The following ANKRD36B variants were observed in gnomAD, a reference collection of about 807,000 sequenced individuals.
ANKRD36B encodes ankyrin repeat domain 36B, also known as ankyrin repeat domain-containing protein 36B.
In ANKRD36B, 37 loss-of-function variants were observed where a neutral mutation model predicts 135.7. The observed-to-expected ratio is 0.27, with a 90% CI of 0.21 to 0.36. The LOEUF is 0.36. Among genes scored for constraint, ANKRD36B ranks in the 10% least tolerant of loss-of-function variants. The pLI, the probability that ANKRD36B is intolerant of heterozygous loss-of-function variation, is 1.00. For missense variants in ANKRD36B, 549 were observed against 1,037.1 expected (o/e 0.53, Z 6.46); for synonymous variants, 179 against 348.1 (o/e 0.51, Z 5.41).
Position 97,558,866 on chromosome 2 carries a change from T to G in ANKRD36B, c.900A>C (p.Thr300=). Residue 300 remains threonine (T), a synonymous_variant, in exon 10 of 44, where the codon ACA becomes ACC. Transcript: ENST00000359901. ...TTGAAACAGAATCTTTCTCGTCACTTGTAGCCTGAATGGGATTTGAAACAA... is the reference window on the plus strand; with the variant it reads ...TTGAAACAGAATCTTTCTCGTCACTGGTAGCCTGAATGGGATTTGAAACAA... ...SSQKQPAEKA[T]SDEKDSVSNI... is the part of the protein sequence containing the mutation. 6.2e-7 allele frequency: 1 copy of G among 1,611,290 alleles called. No individual in the cohort carries two copies. The highest frequency in any genetic ancestry group is 1.1e-5 in the South Asian group (1 of 91,036).
At chr2:97,552,837 T>C (rs1212297102) in intron 16 of ANKRD36B, among the ~76,000 whole-genome samples, 1 of 151,916 alleles carries the variant, frequency 6.6e-6, no homozygotes, top group Non-Finnish European at 1.5e-5. Context: ...TTCCTCTCTT[T>C]CTCCTTCCAC....
chr2:97,587,264 G>A (rs112235742), intron 1 of ANKRD36B, among the ~76,000 whole-genome samples: 1 of 151,908 alleles, frequency 6.6e-6, no homozygotes, highest in Admixed American at 6.6e-5. Flanking sequence ...TTTTCCCAAG[G>A]ATAATTTCAT....
intron 6 of ANKRD36B, among the ~76,000 whole-genome samples, chr2:97,572,741 A>T (rs190619040): frequency 8.3e-4 from 101 of 121,874 alleles, no homozygotes; most frequent in East Asian, 7.4e-3. Context: ...GGACGAAATT[A>T]AAAAAAAAAA....
chr2:97,502,064 C>CA (rs1317455880), intron 43 of ANKRD36B, among the ~76,000 whole-genome samples: 1 of 20,598 alleles, frequency 4.9e-5, no homozygotes, highest in African/African-American at 1.1e-4. Flanking sequence ...TAAATTTAAG[C>CA]AAAAAATTAA....
chr2:97,494,025 G>T lies in ANKRD36B; in HGVS notation c.*7-1170C>A, dbSNP rs1235347394. ...CATTTTGGTCGACCACTTAACCAAG[G>T]TCTAATTAAGTTCCACAAGTTTCCT... is the stretch of plus-strand genomic sequence containing the variant. On this transcript the variant is annotated intron_variant, in intron 43 of 43. Transcript: ENST00000359901. Among the ~76,000 whole-genome samples, 2 of 106,652 alleles carry T rather than the reference G, an allele frequency of 1.9e-5. 1 individual carries two copies. The highest frequency in any genetic ancestry group is 5.2e-5 in the Non-Finnish European group (2 of 38,100). 70.0% of individuals were successfully genotyped at this position (106,652 alleles called of 152,430 possible). A position where few individuals can be genotyped will look rare whatever the true frequency, so the allele number is the denominator to read the frequency against.
Position 97,555,081 on chromosome 2 carries a change from C to A in ANKRD36B, c.1150G>T (p.Asp384Tyr). ...TTACCTGTCCCACATTGTAGTCCAT[C>A]CTTTATTTCTGTAGCTGTATTCAAA... ...SALNTATEIK[D>Y]GLQCGTVSSQ... The change falls in exon 14 of 44, where the codon GAT becomes TAT. Residue 384 changes from aspartate to tyrosine, a missense_variant. Coordinates refer to ENST00000359901, the MANE Select transcript of ANKRD36B (RefSeq NM_001393939.1). 1.2e-6 allele frequency: 2 copies of A among 1,611,892 alleles called. No individual in the cohort carries two copies. The highest frequency in any genetic ancestry group is 2.2e-5 in the South Asian group (2 of 91,042).
chr2:97,513,028 A>G (rs2077610100), intron 38 of ANKRD36B, among the ~76,000 whole-genome samples, 152 bp downstream of exon 38: 1 of 136,372 alleles, frequency 7.3e-6, no homozygotes, highest in South Asian at 2.1e-4. Flanking sequence ...TTTATTATAA[A>G]TAATTATAGC....
intron 36 of ANKRD36B, among the ~76,000 whole-genome samples, chr2:97,521,681 G>A (rs1281946179): frequency 2.0e-5 from 2 of 99,216 alleles, no homozygotes; most frequent in Non-Finnish European, 5.5e-5. Context: ...ATTTAAATCA[G>A]CAATGCTCAA....
chr2:97,577,984 A>G (rs1456300629), intron 5 of ANKRD36B, among the ~76,000 whole-genome samples: 2 of 152,012 alleles, frequency 1.3e-5, no homozygotes, highest in Admixed American at 6.6e-5. Context: ...CATTATTTGA[A>G]TATCTCTGAC....
Position 97,541,009 on chromosome 2 carries a change from A to C in ANKRD36B, c.1886-780T>G, listed in dbSNP as rs1356743075. Among the ~76,000 whole-genome samples, 6 of 95,556 alleles carry C rather than the reference A, an allele frequency of 6.3e-5. 2 individuals carry two copies. The highest frequency in any genetic ancestry group is 1.7e-4 in the Non-Finnish European group (6 of 35,860). The allele number at this position is 95,556 out of a possible 152,430, so 62.7% of individuals were successfully genotyped here. A position where few individuals can be genotyped will look rare whatever the true frequency, so the allele number is the denominator to read the frequency against. On this transcript the variant is annotated intron_variant, in intron 28 of 43. Coordinates refer to ENST00000359901, the MANE Select transcript of ANKRD36B (RefSeq NM_001393939.1). ...TTAATATGTTTTACATTCACAAATC[A>C]CTCCAATATTCATTGAAAATGACCA...
At chr2:97,549,656 T>C (rs752230106) in intron 18 of ANKRD36B, 42 bp from the exon 19 acceptor site, 1 of 1,605,712 alleles carries the variant, frequency 6.2e-7, no homozygotes, top group Non-Finnish European at 8.5e-7. Context: ...TATGTAAATA[T>C]GACAAAGATA....
intron 8 of ANKRD36B, among the ~76,000 whole-genome samples, chr2:97,559,591 G>T (rs1432679159): frequency 6.6e-6 from 1 of 151,858 alleles, no homozygotes; most frequent in African/African-American, 2.4e-5. Flanking sequence ...ATTTGCCTAA[G>T]TTTCTTGTAT....
At chr2:97,582,103 C>T (rs1405362355) in intron 3 of ANKRD36B, among the ~76,000 whole-genome samples, 6 of 151,640 alleles carry the variant, frequency 4.0e-5, no homozygotes, top group South Asian at 2.1e-4. Context: ...CCACTGCGCT[C>T]GGCCAATTAC....
At chr2:97,559,881 C>G (rs1160287178) in intron 8 of ANKRD36B, among the ~76,000 whole-genome samples, 1 of 151,866 alleles carries the variant, frequency 6.6e-6, no homozygotes, top group African/African-American at 2.4e-5. Context: ...CATTAAGTAG[C>G]TATTTTATCC....
At chr2:97,531,983 A>C (rs1483923443) in intron 35 of ANKRD36B, among the ~76,000 whole-genome samples, 1 of 95,330 alleles carries the variant, frequency 1.0e-5, no homozygotes, top group Non-Finnish European at 2.8e-5. Flanking sequence ...CATCACTGTT[A>C]AATTGTTCAT....
At chr2:97,552,474 T>C (rs2080153569) in intron 16 of ANKRD36B, among the ~76,000 whole-genome samples, 1 of 151,958 alleles carries the variant, frequency 6.6e-6, no homozygotes, top group Non-Finnish European at 1.5e-5. Context: ...ACAAAACATG[T>C]ATCTCTGATG....
rs757212026 is a variant in ANKRD36B at position 97,555,132 on chromosome 2, T to C, written c.1099A>G (p.Thr367Ala). 15 of 1,611,812 alleles carry C rather than the reference T, an allele frequency of 9.3e-6. No homozygotes were observed. The highest frequency in any genetic ancestry group is 1.7e-6 in the Non-Finnish European group (2 of 1,178,692). ...GCAGAATCTGTCTTGTCACTTGCAG[T>C]CTGAAAGTAATTTGAAGCAAATTAT... The part of the protein sequence containing the change: ...VSSQKQPASK[T>A]ASDKTDSALN... Residue 367 changes from threonine to alanine, a missense_variant and splice_region_variant, in exon 14 of 44, where the codon ACT (threonine) becomes GCT (alanine). Transcript: ENST00000359901.
intron 18 of ANKRD36B, among the ~76,000 whole-genome samples, chr2:97,550,518 T>A (rs1212734448): frequency 2.0e-5 from 3 of 151,838 alleles, no homozygotes; most frequent in African/African-American, 7.2e-5. Context: ...AACAGCTATT[T>A]TATACAAGAG....
rs188192341 is a variant in ANKRD36B, at chr2:97,538,536, T to C, written c.1988-173A>G. Among the ~76,000 whole-genome samples the C allele has an allele frequency of 1.4e-3, 139 of 96,274 alleles. 50 individuals carry two copies. The highest frequency in any genetic ancestry group is 3.2e-3 in the Non-Finnish European group (117 of 36,218). The allele number at this position is 96,274 out of a possible 152,430, so 63.2% of individuals were successfully genotyped here. ...ACATGAGGAAATATGCTGAAGAAAA[T>C]AGGAATACACGCTTCCAGAAAATAT... On this transcript the variant is annotated intron_variant, in intron 30 of 43. Transcript: ENST00000359901.
Sources: allele counts gnomAD v4.1 joint callset (sites outside exome capture counted in the v4.1 genomes callset), GRCh38; gene constraint gnomAD v4.1.1; transcripts MANE v1.5; gene names NCBI Gene and HGNC (gene_info 2026-07-23, HGNC 2026-07-21).